HMGXB3: variants seen among roughly 807,000 people sequenced by gnomAD.
HMGXB3 encodes HMG-box containing 3.
In HMGXB3, 45 loss-of-function variants were observed where a neutral mutation model predicts 121.5. The observed-to-expected ratio is 0.37, with a 90% confidence interval of 0.29 to 0.47. The LOEUF is 0.47. Ranked by LOEUF, HMGXB3 falls within the 20% of genes least tolerant of loss-of-function variation. The pLI, the probability that HMGXB3 is intolerant of heterozygous loss-of-function variation, is 0.99. For missense variants in HMGXB3, 1,376 were observed against 1,602.2 expected (o/e 0.86, Z 2.41); for synonymous variants, 590 against 624.1 (o/e 0.95, Z 0.81).
intron 5 of HMGXB3, 60 bp from the exon 6 acceptor site, chr5:150,018,506 T>C (rs1756009627): frequency 1.5e-6 from 2 of 1,363,774 alleles, no homozygotes; most frequent in African/African-American, 1.5e-5. Flanking sequence ...GCTGTGATTA[T>C]AGTGGTCATC....
intron 11 of HMGXB3, among the ~76,000 whole-genome samples, chr5:150,033,997 A>G (rs1194861855): frequency 6.6e-6 from 1 of 152,164 alleles, no homozygotes; most frequent in Non-Finnish European, 1.5e-5. Flanking sequence ...CCCGAGCTTT[A>G]GTTTCTCCAT....
At chr5:150,012,477 T>A (rs1316706813) in intron 5 of HMGXB3, 124 bp downstream of exon 5, 2 of 701,520 alleles carry the variant, frequency 2.9e-6, no homozygotes, top group Non-Finnish European at 5.0e-6. Context: ...TCTAAAAGTC[T>A]TAGAACCTCA....
chr5:150,048,754 C>A, intron 18 of HMGXB3, 69 bp downstream of exon 18: 2 of 1,167,706 alleles, frequency 1.7e-6, no homozygotes, highest in Non-Finnish European at 2.5e-6. Flanking sequence ...AGGGACTGAT[C>A]CAGCTCAGTT....
chr5:150,038,706 GC>G (rs2113755721), intron 13 of HMGXB3, among the ~76,000 whole-genome samples: 1 of 152,304 alleles, frequency 6.6e-6, no homozygotes, highest in African/African-American at 2.4e-5. Flanking sequence ...ATGGCACGTA[GC>G]CTTTTGAGTC....
chr5:150,032,410 T>A (rs1756401557), intron 10 of HMGXB3, 44 bp from the exon 11 acceptor site: 1 of 1,535,676 alleles, frequency 6.5e-7, no homozygotes, highest in African/African-American at 1.4e-5. Flanking sequence ...TGCCCAGGTT[T>A]AACTTAATTT....
At chr5:150,021,381 T>C (rs557279613) in intron 6 of HMGXB3, among the ~76,000 whole-genome samples, 1 of 152,226 alleles carries the variant, frequency 6.6e-6, no homozygotes, top group Non-Finnish European at 1.5e-5. Context: ...TCCCATTGCC[T>C]TTTCCACTAA....
intron 5 of HMGXB3, among the ~76,000 whole-genome samples, chr5:150,013,842 A>G (rs193044393): frequency 5.8e-4 from 88 of 152,354 alleles, no homozygotes; most frequent in African/African-American, 1.8e-3. Flanking sequence ...GTACTTATCT[A>G]CAAAGATAAT....
chr5:150,032,617 C>T lies in HMGXB3; in HGVS notation c.1983+14C>T. ...ACCAAGGCTATCGTGAGTTCCTTCC[C>T]CCAAACACATCCCCTGGCCTGTTCT... On this transcript the variant is annotated intron_variant, in intron 11 of 19. Transcript: ENST00000502717. 6.4e-7 allele frequency: 1 copy of T among 1,552,170 alleles called. No homozygotes were observed.
chr5:150,047,292 G>A (rs558387325), intron 16 of HMGXB3, among the ~76,000 whole-genome samples: 1 of 152,238 alleles, frequency 6.6e-6, no homozygotes, highest in African/African-American at 2.4e-5. Context: ...GAGAGCTGCT[G>A]TTCTTTTCTT....
intron 13 of HMGXB3, among the ~76,000 whole-genome samples, 196 bp from the exon 14 acceptor site, chr5:150,040,552 G>GT (rs1349449033): frequency 1.3e-5 from 2 of 151,908 alleles, no homozygotes; most frequent in African/African-American, 4.8e-5. Context: ...GGCCTGTTTT[G>GT]TTTTTTTGAG....
chr5:150,032,087 G>A (rs1163914539), intron 10 of HMGXB3, among the ~76,000 whole-genome samples: 3 of 152,044 alleles, frequency 2.0e-5, no homozygotes, highest in Non-Finnish European at 4.4e-5. Context: ...GTAAGTCACA[G>A]TTTGTCTTCA....
intron 5 of HMGXB3, among the ~76,000 whole-genome samples, chr5:150,016,930 A>G (rs1160363626): frequency 1.3e-5 from 2 of 152,228 alleles, no homozygotes; most frequent in Non-Finnish European, 2.9e-5. Context: ...TTTAACTTAT[A>G]AGTTTATCTT....
At chr5:150,008,055 T>TCA (rs70973560) in intron 3 of HMGXB3, among the ~76,000 whole-genome samples, 3,598 of 130,020 alleles carry the variant, frequency 0.028, 45 homozygotes, top group Middle Eastern at 0.046. Flanking sequence ...AGACTCTGTT[T>TCA]CACACACACA....
At chr5:150,049,117 A>G (rs888361403) in intron 18 of HMGXB3, among the ~76,000 whole-genome samples, 12 of 152,198 alleles carry the variant, frequency 7.9e-5, no homozygotes, top group African/African-American at 2.9e-4. Context: ...GGAGGAGCCC[A>G]TTGGTAAGCC....
At chr5:150,036,552 G>C in intron 11 of HMGXB3, 84 bp from the exon 12 acceptor site, 3 of 1,292,338 alleles carry the variant, frequency 2.3e-6, no homozygotes, top group Non-Finnish European at 3.1e-6. Context: ...CCATCTGTCT[G>C]CTGCTCCCAG....
rs1437045959 is a variant in HMGXB3 at position 150,037,363 on chromosome 5, C to T, written c.2286-37C>T. On this transcript the variant is annotated intron_variant, in intron 12 of 19. Coordinates refer to ENST00000502717, the MANE Select transcript of HMGXB3 (RefSeq NM_014983.3). ...GGAACTCCATAAAGAAGTCTCTTTC[C>T]CTTCTTTTTTTTTGTTGGTGATGTT... is the stretch of plus-strand genomic sequence containing the variant. The T allele has an allele frequency of 8.7e-6, 13 of 1,497,838 alleles. No individual in the cohort carries two copies. In the South Asian group the frequency reaches 1.7e-4, roughly 19 times the overall value. The allele number at this position is 1,497,838 out of a possible 1,614,324, so 92.8% of individuals were successfully genotyped here.
chr5:150,026,776 C>T lies in HMGXB3; in HGVS notation c.1531C>T (p.Leu511=), dbSNP rs1010567435. 7.7e-6 allele frequency: 12 copies of T among 1,550,710 alleles called. No homozygotes were observed. In the African/African-American group the frequency reaches 1.6e-4, roughly 21 times the overall value. Residue 511 remains leucine (L), a synonymous_variant, in exon 8 of 20, where the codon CTG becomes TTG. Transcript: ENST00000502717. ...CAGAGCACGGGGCAAGCCCTCATTA[C>T]TGGCTGCAGCAAGACCCATGAGAGC... ...KGRARGKPSL[L]AAARPMRAIL...
At chr5:150,032,401 G>C (rs1377860857) in intron 10 of HMGXB3, 53 bp from the exon 11 acceptor site, 23 of 1,514,000 alleles carry the variant, frequency 1.5e-5, no homozygotes, top group Middle Eastern at 1.7e-4. Flanking sequence ...TCTGGGTTCT[G>C]CCCAGGTTTA....
intron 16 of HMGXB3, chr5:150,047,355 A>G (rs1756780884): frequency 4.8e-6 from 2 of 416,406 alleles, no homozygotes; most frequent in South Asian, 6.2e-5. Flanking sequence ...AAACCTTAGA[A>G]GACTGGATTA....
Sources: allele counts gnomAD v4.1 joint callset (sites outside exome capture counted in the v4.1 genomes callset), GRCh38; gene constraint gnomAD v4.1.1; transcripts MANE v1.5; gene names NCBI Gene and HGNC (gene_info 2026-07-23, HGNC 2026-07-21).